LNX2: variants seen among roughly 807,000 people sequenced by gnomAD.
The protein encoded by LNX2 is ligand of numb-protein X 2, also known as ligand of Numb protein X 2.
In LNX2, 35 loss-of-function variants were observed where a neutral mutation model predicts 66.2. The observed-to-expected ratio is 0.53, with a 90% CI of 0.40 to 0.70. The LOEUF (loss-of-function observed/expected upper bound fraction) is 0.70, where lower values mean the gene tolerates loss of function less well. Among genes scored for constraint, LNX2 ranks in the 30% least tolerant of loss-of-function variants. The pLI, the probability that LNX2 is intolerant of heterozygous loss-of-function variation, is 0.00. For missense variants in LNX2, 791 were observed against 850.8 expected (o/e 0.93, Z 0.87); for synonymous variants, 337 against 315.6 (o/e 1.07, Z -0.72).
chr13:27,582,061 GCT>G (rs1593252011), intron 1 of LNX2, among the ~76,000 whole-genome samples: 1 of 152,054 alleles, frequency 6.6e-6, no homozygotes, highest in East Asian at 1.9e-4. Flanking sequence ...TCAGGGTCTT[GCT>G]CTGTCACCCA....
At chr13:27,564,926 C>T (rs957026940) in intron 4 of LNX2, among the ~76,000 whole-genome samples, 1 of 152,156 alleles carries the variant, frequency 6.6e-6, no homozygotes, top group African/African-American at 2.4e-5. Context: ...TTGGCTCCAA[C>T]ACACCAGTTA....
chr13:27,564,671 A>G (rs1031306578), intron 4 of LNX2, among the ~76,000 whole-genome samples: 2 of 152,202 alleles, frequency 1.3e-5, no homozygotes, highest in African/African-American at 4.8e-5. Context: ...GAAAACCACC[A>G]AAGCCACACA....
At chr13:27,573,547 C>T (rs957938821) in intron 2 of LNX2, among the ~76,000 whole-genome samples, 1 of 151,944 alleles carries the variant, frequency 6.6e-6, no homozygotes, top group African/African-American at 2.4e-5. Context: ...GGGAATGACA[C>T]GTCCACAGAG....
intron 1 of LNX2, among the ~76,000 whole-genome samples, chr13:27,600,542 T>C (rs980814324): frequency 6.6e-6 from 1 of 152,152 alleles, no homozygotes; most frequent in Non-Finnish European, 1.5e-5. Context: ...TATAAGATAC[T>C]GGGTGAGCAA....
intron 1 of LNX2, among the ~76,000 whole-genome samples, chr13:27,595,470 T>C (rs529191831): frequency 1.0e-5 from 1 of 99,462 alleles, no homozygotes; most frequent in South Asian, 3.0e-4. Flanking sequence ...AAAGGGAATA[T>C]GAATGAACAA....
In LNX2 at chr13:27,546,885, A is replaced by C. The variant is rs965611234; in HGVS notation, c.*1450T>G. 2.0e-5 allele frequency: 3 copies of C among 152,204 alleles called. No homozygotes were observed. The highest frequency in any genetic ancestry group is 2.0e-4 in the Admixed American group (3 of 15,280). 9.4% of individuals were successfully genotyped at this position (152,204 alleles called of 1,614,324 possible). On this transcript the variant is annotated 3_prime_UTR_variant, in exon 10 of 10. Coordinates refer to ENST00000316334, the MANE Select transcript of LNX2 (RefSeq NM_153371.4). ...GGATAAGTATGTTGAATAAAGGACA[A>C]AAAATGGGCTAGTCATAATTTTCAA...
At chr13:27,572,006 C>A (rs1955286913) in intron 2 of LNX2, among the ~76,000 whole-genome samples, 1 of 152,182 alleles carries the variant, frequency 6.6e-6, no homozygotes, top group Admixed American at 6.5e-5. Flanking sequence ...AATTGCAGAG[C>A]CATAATCCAA....
intron 1 of LNX2, among the ~76,000 whole-genome samples, chr13:27,612,645 C>T (rs1955784220): frequency 6.6e-6 from 1 of 152,212 alleles, no homozygotes; most frequent in South Asian, 2.1e-4. Flanking sequence ...GTTGCCCAGG[C>T]TGGAGTGCAG....
chr13:27,602,158 G>A (rs11618830), intron 1 of LNX2, among the ~76,000 whole-genome samples: 10,880 of 151,484 alleles, frequency 0.072, 442 homozygotes, highest in South Asian at 0.14. Context: ...ACTGCATTTC[G>A]CCATGTTGCC....
intron 8 of LNX2, 64 bp downstream of exon 8, chr13:27,553,144 C>A: frequency 7.6e-7 from 1 of 1,321,068 alleles, no homozygotes; most frequent in Non-Finnish European, 1.1e-6. Flanking sequence ...TATCATGCTA[C>A]ACACTGATAA....
rs1356023573 is a variant in LNX2 at position 27,556,230 on chromosome 13, T to C, written c.1546+6A>G. ...TGTGGTAAAATTTTTCAAGATCCCATCTTACCTCTCTTTATTCTGCCATCT... is the reference window on the plus strand; with the variant it reads ...TGTGGTAAAATTTTTCAAGATCCCACCTTACCTCTCTTTATTCTGCCATCT... On this transcript the variant is annotated splice_donor_region_variant and intron_variant, in intron 7 of 9. Coordinates refer to ENST00000316334, the MANE Select transcript of LNX2 (RefSeq NM_153371.4). The C allele has an allele frequency of 1.2e-6, 2 of 1,611,408 alleles. No individual in the cohort carries two copies. Among genetic ancestry groups the C allele is most frequent in the Non-Finnish European group, 1.7e-6 (2 of 1,179,034 alleles).
intron 1 of LNX2, among the ~76,000 whole-genome samples, chr13:27,604,530 A>G (rs60652992): frequency 2.8e-3 from 434 of 152,336 alleles, no homozygotes; most frequent in African/African-American, 9.6e-3. Context: ...AGTGCCCAAC[A>G]ACTAGAAATG....
intron 1 of LNX2, among the ~76,000 whole-genome samples, chr13:27,603,567 A>G (rs1053997160): frequency 2.6e-5 from 4 of 152,226 alleles, no homozygotes; most frequent in South Asian, 2.1e-4. Flanking sequence ...CAGTAAACAG[A>G]CATCTACTGA....
intron 1 of LNX2, among the ~76,000 whole-genome samples, chr13:27,612,818 A>G (rs1361866164): frequency 6.6e-6 from 1 of 152,114 alleles, no homozygotes; most frequent in African/African-American, 2.4e-5. Context: ...TCAAAATCCT[A>G]AGCTTGAGTG....
At chr13:27,575,256 T>C (rs8000941) in intron 2 of LNX2, among the ~76,000 whole-genome samples, 82,996 of 152,022 alleles carry the variant, frequency 0.55, 22,885 homozygotes, top group Middle Eastern at 0.65. Flanking sequence ...ACAACTTGTA[T>C]AATAATAATA....
intron 1 of LNX2, among the ~76,000 whole-genome samples, chr13:27,582,147 A>C (rs1955406083): frequency 6.6e-6 from 1 of 152,034 alleles, no homozygotes; most frequent in African/African-American, 2.4e-5. Flanking sequence ...CTCCCATCTC[A>C]GCCTCCCGAG....
intron 1 of LNX2, among the ~76,000 whole-genome samples, chr13:27,615,465 A>G (rs777521549): frequency 3.3e-5 from 5 of 152,118 alleles, no homozygotes; most frequent in African/African-American, 7.2e-5. Context: ...ACTTCATAAC[A>G]TAGGTATGGT....
At chr13:27,580,566 T>C (rs73446866) in intron 2 of LNX2, among the ~76,000 whole-genome samples, 3,394 of 152,256 alleles carry the variant, frequency 0.022, 136 homozygotes, top group African/African-American at 0.077. Flanking sequence ...GATCAAGTCT[T>C]TTAGCAAAAT....
At chr13:27,556,465 G>A (rs1375354119) in intron 6 of LNX2, 52 bp from the exon 7 acceptor site, 23 of 1,484,580 alleles carry the variant, frequency 1.5e-5, no homozygotes, top group Non-Finnish European at 2.0e-5. Flanking sequence ...TATAGTTGAA[G>A]TAAAGTTATT....
Sources: allele counts gnomAD v4.1 joint callset (sites outside exome capture counted in the v4.1 genomes callset), GRCh38; gene constraint gnomAD v4.1.1; transcripts MANE v1.5; gene names NCBI Gene and HGNC (gene_info 2026-07-23, HGNC 2026-07-21).